The following TSPAN11 variants were observed in gnomAD, a reference collection of about 807,000 sequenced individuals.
TSPAN11 encodes the protein tetraspanin-11.
In TSPAN11, 29 loss-of-function variants were observed where a neutral mutation model predicts 32.9. The ratio of observed to expected loss-of-function variants is 0.88; its 90% CI spans 0.66 to 1.20. TSPAN11 has a LOEUF of 1.20. TSPAN11 is among the 50% of genes most tolerant of loss of function. The pLI, the probability that TSPAN11 is intolerant of heterozygous loss-of-function variation, is 0.00. For synonymous variants in TSPAN11, 140 were observed against 141.3 expected (o/e 0.99, Z 0.07); for missense variants, 283 against 329.1 (o/e 0.86, Z 1.08).
chr12:30,964,126 T>A, intron 3 of TSPAN11, 109 bp downstream of exon 3: 1 of 1,150,030 alleles, frequency 8.7e-7, no homozygotes, highest in Non-Finnish European at 1.2e-6. Context: ...GCTGAGGCTG[T>A]GGGAGTGCCC....
chr12:30,964,022 G>T lies in TSPAN11; in HGVS notation c.276+5G>T. ...CGGAAGGGCTGCCTCTCCACGGTCA[G>T]TGCCCGCCCTGTGCTCTGCAGGGAT... On this transcript the variant is annotated splice_donor_5th_base_variant and intron_variant, in intron 3 of 7. Transcript: ENST00000546076. 6.2e-7 allele frequency: 1 copy of T among 1,612,414 alleles called. No individual in the cohort carries two copies. The highest frequency in any genetic ancestry group is 8.5e-7 in the Non-Finnish European group (1 of 1,179,668).
intron 1 of TSPAN11, among the ~76,000 whole-genome samples, chr12:30,931,816 G>T (rs1937935357): frequency 7.0e-6 from 1 of 142,994 alleles, no homozygotes; most frequent in Non-Finnish European, 1.5e-5. Flanking sequence ...GGAGATGGAG[G>T]TTGCAGTGAG....
At chr12:30,934,278 C>T (rs551196095) in intron 1 of TSPAN11, among the ~76,000 whole-genome samples, 2 of 152,380 alleles carry the variant, frequency 1.3e-5, no homozygotes, top group East Asian at 3.9e-4. Flanking sequence ...TGCTCTGCAC[C>T]TGCTGGAATT....
intron 1 of TSPAN11, among the ~76,000 whole-genome samples, chr12:30,933,150 C>T (rs995219694): frequency 1.3e-5 from 2 of 152,168 alleles, no homozygotes; most frequent in African/African-American, 4.8e-5. Flanking sequence ...GGCAGCTGCA[C>T]ATCCAACCAA....
At chr12:30,982,188 G>A (rs1939105403) in intron 5 of TSPAN11, among the ~76,000 whole-genome samples, 1 of 152,116 alleles carries the variant, frequency 6.6e-6, no homozygotes, top group Admixed American at 6.5e-5. Context: ...TCCACCCTGG[G>A]CTCTGCCACC....
At position 30,976,245 on chromosome 12, in the gene TSPAN11, T is replaced by G. The variant is rs185581444; in HGVS notation, c.277-2316T>G. Among the ~76,000 whole-genome samples the G allele has an allele frequency of 2.1e-3, 318 of 152,238 alleles. 1 individual carries two copies. The highest frequency in any genetic ancestry group is 7.5e-3 in the African/African-American group (313 of 41,558). On this transcript the variant is annotated intron_variant, in intron 3 of 7. Transcript: ENST00000546076. ...AGCTCTGGGAGGGCAGGAGGCGGGT[T>G]AGATCACTGGAAAGTACATTTCCCC...
At chr12:30,946,439 C>T (rs1429216337) in intron 1 of TSPAN11, among the ~76,000 whole-genome samples, 1 of 152,184 alleles carries the variant, frequency 6.6e-6, no homozygotes, top group East Asian at 1.9e-4. Flanking sequence ...CAAGCACAGG[C>T]AGCAAAGAGC....
At chr12:30,947,787 C>T (rs981735297) in intron 1 of TSPAN11, among the ~76,000 whole-genome samples, 3 of 152,152 alleles carry the variant, frequency 2.0e-5, no homozygotes, top group Non-Finnish European at 2.9e-5. Flanking sequence ...CTCCAAATCT[C>T]ATGTCCTCAC....
intron 3 of TSPAN11, among the ~76,000 whole-genome samples, chr12:30,968,958 T>A (rs182235186): frequency 6.6e-6 from 1 of 152,296 alleles, no homozygotes; most frequent in East Asian, 1.9e-4. Context: ...GCCTGCCTCC[T>A]TGTGTTGCCA....
chr12:30,976,737 C>T (rs1371816940), intron 3 of TSPAN11, among the ~76,000 whole-genome samples: 12 of 152,214 alleles, frequency 7.9e-5, no homozygotes, highest in Non-Finnish European at 1.6e-4. Flanking sequence ...AATCCTCTGT[C>T]CAGACAACCT....
intron 2 of TSPAN11, among the ~76,000 whole-genome samples, chr12:30,956,114 G>A (rs1283541458): frequency 6.6e-6 from 1 of 152,196 alleles, no homozygotes; most frequent in Non-Finnish European, 1.5e-5. Context: ...TTTATAAGGT[G>A]AAATTGTCAA....
intron 7 of TSPAN11, among the ~76,000 whole-genome samples, chr12:30,987,180 G>A (rs35082): frequency 0.32 from 49,285 of 152,084 alleles, 8,343 homozygotes; most frequent in East Asian, 0.6. Flanking sequence ...CCACAAAGAT[G>A]TGGCCTGGAA....
Position 30,969,555 on chromosome 12 carries a change from C to T in TSPAN11, c.276+5538C>T, listed in dbSNP as rs150211664. ...CAAACATCCTGAAGAGCTGACCGCT[C>T]AAGAGACTCATAGGGTTTGTGTTGA... On this transcript the variant is annotated intron_variant, in intron 3 of 7. Coordinates refer to ENST00000546076, the MANE Select transcript of TSPAN11 (RefSeq NM_001370302.1). Among the ~76,000 whole-genome samples, 704 of 152,300 alleles carry T rather than the reference C, an allele frequency of 4.6e-3. 8 individuals carry two copies. Among genetic ancestry groups the T allele is most frequent in the African/African-American group, 0.016 (660 of 41,562 alleles).
the TSPAN11 span, among the ~76,000 whole-genome samples, chr12:31,007,027 C>T: frequency 6.6e-6 from 1 of 152,186 alleles, no homozygotes; most frequent in African/African-American, 2.4e-5. Flanking sequence ...TAGCTGCCAC[C>T]AGTCTCCCAT....
intron 1 of TSPAN11, among the ~76,000 whole-genome samples, chr12:30,943,097 C>T (rs187632675): frequency 2.2e-4 from 33 of 152,312 alleles, no homozygotes; most frequent in Admixed American, 1.5e-3. Flanking sequence ...TTTGCAGTGA[C>T]GGCCGTCATG....
At chr12:31,000,183 C>T (rs901697668), downstream of TSPAN11, among the ~76,000 whole-genome samples, 2 of 152,234 alleles carry the variant, frequency 1.3e-5, no homozygotes, top group Admixed American at 1.3e-4. Context: ...AATCTGGCTT[C>T]CCCCTTGCTT....
intron 1 of TSPAN11, among the ~76,000 whole-genome samples, chr12:30,947,590 C>A (rs985520195): frequency 6.6e-6 from 1 of 152,118 alleles, no homozygotes; most frequent in Admixed American, 6.5e-5. Flanking sequence ...AACAGAAACC[C>A]CGATAAACCC....
intron 3 of TSPAN11, among the ~76,000 whole-genome samples, chr12:30,971,518 T>C (rs1448505073): frequency 6.6e-6 from 1 of 152,138 alleles, no homozygotes; most frequent in African/African-American, 2.4e-5. Context: ...GCTGGGAGGA[T>C]TGCTTGAGAC....
the TSPAN11 span, among the ~76,000 whole-genome samples, chr12:31,007,424 C>T: frequency 6.6e-6 from 1 of 152,014 alleles, no homozygotes; most frequent in South Asian, 2.1e-4. Flanking sequence ...TTCAGTCACC[C>T]TTGGCTCCTC....
Sources: allele counts gnomAD v4.1 joint callset (sites outside exome capture counted in the v4.1 genomes callset), GRCh38; gene constraint gnomAD v4.1.1; transcripts MANE v1.5; gene names NCBI Gene and HGNC (gene_info 2026-07-23, HGNC 2026-07-21).